TRPC3: variants seen among roughly 807,000 people sequenced by gnomAD.
TRPC3 encodes the protein short transient receptor potential channel 3.
Under a neutral mutation model 90.9 loss-of-function variants are expected in TRPC3, and 54 were observed. The observed-to-expected ratio is 0.59, with a 90% CI of 0.48 to 0.75. The LOEUF (loss-of-function observed/expected upper bound fraction) is 0.75, where lower values mean the gene tolerates loss of function less well. Among genes scored for constraint, TRPC3 ranks in the 30% least tolerant of loss-of-function variants. The probability of loss-of-function intolerance (pLI) is 0.00; values close to 1 mark genes in which losing one functional copy is unlikely to be tolerated. For missense variants in TRPC3, 918 were observed against 1,194.5 expected (o/e 0.77, Z 3.41); for synonymous variants, 424 against 450.9 (o/e 0.94, Z 0.75).
Position 121,951,811 on chromosome 4 carries a change from G to T in TRPC3, c.-131C>A. 1 of 664,062 alleles carries T rather than the reference G, an allele frequency of 1.5e-6. No homozygotes were observed. The allele number at this position is 664,062 out of a possible 1,614,324, so 41.1% of individuals were successfully genotyped here. Reference sequence around the variant, plus strand: ...CGGGGCCCCGGGCGGCCCAGGGCGGGAAGGCAGGAGCGGAGAGCGTCGCGG... The same window carrying T: ...CGGGGCCCCGGGCGGCCCAGGGCGGTAAGGCAGGAGCGGAGAGCGTCGCGG... On this transcript the variant is annotated 5_prime_UTR_variant, in exon 1 of 12. Coordinates refer to ENST00000379645, the MANE Select transcript of TRPC3 (RefSeq NM_001130698.2). This position sits in a 1 kb window ranked among gnomAD's most constrained non-coding sequence, Gnocchi z 4.4.
At chr4:121,904,922 T>C (rs1728828656) in intron 7 of TRPC3, among the ~76,000 whole-genome samples, 2 of 152,168 alleles carry the variant, frequency 1.3e-5, no homozygotes, top group African/African-American at 4.8e-5. Context: ...ACCCAATTTT[T>C]AAGAAGTATG....
intron 3 of TRPC3, among the ~76,000 whole-genome samples, chr4:121,921,256 C>G (rs932096877): frequency 2.6e-5 from 4 of 152,130 alleles, no homozygotes; most frequent in African/African-American, 7.2e-5. Context: ...GGCGCGGTGG[C>G]TCACGCCTGT....
chr4:121,942,491 T>A (rs1167125598), intron 1 of TRPC3, among the ~76,000 whole-genome samples: 2 of 152,172 alleles, frequency 1.3e-5, no homozygotes, highest in Non-Finnish European at 2.9e-5. Context: ...ATGGCTTGAA[T>A]CTGGGAGTTG....
intron 1 of TRPC3, among the ~76,000 whole-genome samples, chr4:121,949,822 A>G (rs897377504): frequency 1.3e-5 from 2 of 152,204 alleles, no homozygotes; most frequent in South Asian, 4.1e-4. Context: ...GCAAGCCTAC[A>G]ATAGAATTTG....
chr4:121,913,914 A>G (rs1312478042), intron 4 of TRPC3, among the ~76,000 whole-genome samples: 1 of 152,218 alleles, frequency 6.6e-6, no homozygotes, highest in African/African-American at 2.4e-5. Flanking sequence ...GAGATGATAG[A>G]TTTCCAGGAT....
At chr4:121,880,003 G>GT (rs144573285) in intron 11 of TRPC3, 125 bp from the exon 12 acceptor site, 1 of 836,624 alleles carries the variant, frequency 1.2e-6, no homozygotes, top group Non-Finnish European at 1.7e-6. Context: ...CTACTTCAAA[G>GT]TTTTTTCTTT....
In TRPC3 at chr4:121,875,131, TA is replaced by T. The variant is rs34936358; in HGVS notation, c.*4604del. Among the ~76,000 whole-genome samples the T allele has an allele frequency of 0.75, 112,484 of 149,630 alleles. 42,309 individuals carry two copies. The highest frequency in any genetic ancestry group is 0.81 in the African/African-American group (33,096 of 40,950). On this transcript the variant is annotated 3_prime_UTR_variant, in exon 12 of 12. Transcript: ENST00000379645. The stretch of plus-strand genomic sequence containing the variant: ...AAATACTATGGTTCTAATAAATAGG[TA>T]AAAAAAAAAACACCAAAGACAGACA...
At chr4:121,885,982 G>A (rs942171850) in intron 10 of TRPC3, among the ~76,000 whole-genome samples, 5 of 152,158 alleles carry the variant, frequency 3.3e-5, no homozygotes, top group South Asian at 2.1e-4. Flanking sequence ...ATCCTAGAGA[G>A]AGGTTCCAAA....
chr4:121,918,042 AG>A (rs1281320980), intron 3 of TRPC3, among the ~76,000 whole-genome samples: 1 of 152,200 alleles, frequency 6.6e-6, no homozygotes, highest in Non-Finnish European at 1.5e-5. Context: ...TAGAGTTAAC[AG>A]GTGGGGCCTT....
chr4:121,912,168 A>T, intron 4 of TRPC3, 75 bp from the exon 5 acceptor site: 6 of 1,156,454 alleles, frequency 5.2e-6, no homozygotes, highest in Non-Finnish European at 7.2e-6. Context: ...ACATAGGATT[A>T]AAAAAAATAG....
chr4:121,894,199 A>T (rs1578605376), intron 10 of TRPC3, among the ~76,000 whole-genome samples: 1 of 152,152 alleles, frequency 6.6e-6, no homozygotes, highest in Admixed American at 6.5e-5. Context: ...AAGTATAACC[A>T]TATGATGGAA....
At chr4:121,885,213 T>C (rs1728071595) in intron 10 of TRPC3, among the ~76,000 whole-genome samples, 1 of 152,162 alleles carries the variant, frequency 6.6e-6, no homozygotes, top group Admixed American at 6.5e-5. Context: ...TTCATGAGAA[T>C]TCTAAAATGA....
At chr4:121,943,084 TTGGCTTTTAGTATA>T (rs1730372656) in intron 1 of TRPC3, among the ~76,000 whole-genome samples, 2 of 152,196 alleles carry the variant, frequency 1.3e-5, no homozygotes, top group African/African-American at 4.8e-5. Context: ...CTCCATATGC[TTGGCTTTTAGTATA>T]TGGTGATGAA....
At chr4:121,927,897 T>C (rs983133118) in intron 2 of TRPC3, among the ~76,000 whole-genome samples, 1 of 152,220 alleles carries the variant, frequency 6.6e-6, no homozygotes, top group African/African-American at 2.4e-5. Context: ...CTGCTTTCCA[T>C]TCCTGAAAGA....
chr4:121,926,915 G>A (rs574045238), intron 2 of TRPC3, among the ~76,000 whole-genome samples: 5 of 152,260 alleles, frequency 3.3e-5, no homozygotes, highest in African/African-American at 1.2e-4. Flanking sequence ...CTGAGGAAGG[G>A]CCCAGCAATC....
chr4:121,912,149 G>A, intron 4 of TRPC3, 56 bp from the exon 5 acceptor site: 1 of 1,503,898 alleles, frequency 6.6e-7, no homozygotes, highest in Non-Finnish European at 9.1e-7. Flanking sequence ...TTCACTTGTG[G>A]AGATTACAAC....
At chr4:121,944,109 G>A (rs900894773) in intron 1 of TRPC3, among the ~76,000 whole-genome samples, 11 of 152,100 alleles carry the variant, frequency 7.2e-5, no homozygotes, top group Admixed American at 1.3e-4. Context: ...AGACTCCTAT[G>A]TGTTCACCCA....
rs767483391 is a variant in TRPC3, at chr4:121,932,868, C to T, written c.390G>A (p.Lys130=). Residue 130 remains lysine, a synonymous_variant, in exon 2 of 12, where the codon AAG becomes AAA. Coordinates refer to ENST00000379645, the MANE Select transcript of TRPC3 (RefSeq NM_001130698.2). The surrounding 1 kb of genome is among the most constrained non-coding windows in gnomAD (Gnocchi z 7.7). ...TCAGCGTCTTGGACTCCTCCAGCATCTTGCGCACCACTGGGATGTTGCCGT... is the reference window on the plus strand; with the variant it reads ...TCAGCGTCTTGGACTCCTCCAGCATTTTGCGCACCACTGGGATGTTGCCGT... ...AEYGNIPVVR[K]MLEESKTLNV... is the part of the protein sequence containing the mutation. 2 of 1,613,792 alleles carry T rather than the reference C, an allele frequency of 1.2e-6. No individual in the cohort carries two copies. The highest frequency in any genetic ancestry group is 2.2e-5 in the South Asian group (2 of 91,006).
At chr4:121,946,082 G>A (rs1158292238) in intron 1 of TRPC3, among the ~76,000 whole-genome samples, 1 of 152,082 alleles carries the variant, frequency 6.6e-6, no homozygotes, top group East Asian at 1.9e-4. Context: ...ATAAAAACTA[G>A]GGGATCAGTC....
Sources: allele counts gnomAD v4.1 joint callset (sites outside exome capture counted in the v4.1 genomes callset), GRCh38; gene constraint gnomAD v4.1.1; non-coding constraint Gnocchi (gnomAD v3.1); transcripts MANE v1.5; gene names NCBI Gene and HGNC (gene_info 2026-07-23, HGNC 2026-07-21).